PAM: variants seen among roughly 807,000 people sequenced by gnomAD.
PAM encodes peptidylglycine alpha-amidating monooxygenase, also known as peptidyl-glycine alpha-amidating monooxygenase.
A neutral mutation model predicts 122.1 loss-of-function variants in PAM; 72 were observed. The observed-to-expected ratio is 0.59, with a 90% confidence interval of 0.49 to 0.72. PAM has a LOEUF of 0.72. Ranked by LOEUF, PAM falls within the 30% of genes least tolerant of loss-of-function variation. The pLI, the probability that PAM is intolerant of heterozygous loss-of-function variation, is 0.00. For missense variants in PAM, 1,106 were observed against 1,183.7 expected (o/e 0.93, Z 0.96); for synonymous variants, 389 against 404.4 (o/e 0.96, Z 0.46).
intron 1 of PAM, among the ~76,000 whole-genome samples, chr5:102,827,454 C>T (rs1168280944): frequency 6.6e-6 from 1 of 151,934 alleles, no homozygotes; most frequent in Non-Finnish European, 1.5e-5. Context: ...TTTTATACAC[C>T]TTCCTGATAC....
intron 3 of PAM, among the ~76,000 whole-genome samples, chr5:102,869,091 C>T (rs1581141279): frequency 6.6e-6 from 1 of 152,292 alleles, no homozygotes; most frequent in African/African-American, 2.4e-5. Context: ...TAGCTGGTTG[C>T]CTCCTTGCTC....
At chr5:102,848,749 T>A (rs1444933446) in intron 1 of PAM, among the ~76,000 whole-genome samples, 3 of 151,902 alleles carry the variant, frequency 2.0e-5, no homozygotes, top group South Asian at 4.2e-4. Context: ...CAAAGAAGGA[T>A]AAAAACAAAG....
At chr5:102,932,584 A>C (rs1434470742) in intron 7 of PAM, among the ~76,000 whole-genome samples, 2 of 148,622 alleles carry the variant, frequency 1.3e-5, no homozygotes, top group African/African-American at 4.9e-5. Context: ...TATACATATA[A>C]TTGTATATAT....
chr5:103,014,590 C>T (rs1212266667), intron 21 of PAM, among the ~76,000 whole-genome samples: 1 of 152,160 alleles, frequency 6.6e-6, no homozygotes, highest in Non-Finnish European at 1.5e-5. Context: ...AAAGAGATTC[C>T]TCTTCACGAT....
intron 1 of PAM, among the ~76,000 whole-genome samples, chr5:102,772,242 T>C (rs1402763481): frequency 6.6e-6 from 1 of 152,190 alleles, no homozygotes; most frequent in African/African-American, 2.4e-5. Context: ...ATCATTATTA[T>C]TGTATGTTGT....
At chr5:102,914,625 C>A (rs1463190384) in intron 5 of PAM, among the ~76,000 whole-genome samples, 2 of 152,054 alleles carry the variant, frequency 1.3e-5, no homozygotes, top group African/African-American at 4.8e-5. Context: ...GTGATGTAGG[C>A]TTGCCATTTC....
intron 14 of PAM, among the ~76,000 whole-genome samples, chr5:102,969,096 G>A (rs1765007585): frequency 6.6e-6 from 1 of 152,068 alleles, no homozygotes; most frequent in Non-Finnish European, 1.5e-5. Context: ...CGGGGGGTAG[G>A]GGGCTAGGGG....
At chr5:102,784,925 G>A (rs1335205503) in intron 1 of PAM, among the ~76,000 whole-genome samples, 3 of 152,144 alleles carry the variant, frequency 2.0e-5, no homozygotes, top group Non-Finnish European at 4.4e-5. Context: ...AAACACCAGT[G>A]ATTCTCCATA....
At chr5:102,838,731 G>A (rs1777749050) in intron 1 of PAM, 1 of 152,154 alleles carries the variant, frequency 6.6e-6, no homozygotes, top group African/African-American at 2.4e-5. Context: ...GGAGAAGGCA[G>A]AGTTAGTTTC....
chr5:102,908,703 A>C (rs936040371), intron 4 of PAM, among the ~76,000 whole-genome samples: 11 of 151,454 alleles, frequency 7.3e-5, no homozygotes, highest in Admixed American at 5.9e-4. Context: ...TGTACCCTAA[A>C]ACTTAAAGTA....
rs768575861 is a variant in PAM at position 102,926,619 on chromosome 5, T to C, written c.477T>C (p.Ser159=). 10 of 1,602,350 alleles carry C rather than the reference T, an allele frequency of 6.2e-6. No homozygotes were observed. Among genetic ancestry groups the C allele is most frequent in the Non-Finnish European group, 7.7e-6 (9 of 1,169,470 alleles). ...TCAGAGTTGGAGGAGAGACTGGAAG[T>C]AAATACTTTGTACTACAGGTACACT... ...VGFRVGGETG[S]KYFVLQVHYG... The change falls in exon 7 of 26, where the codon AGT becomes AGC. Residue 159 remains serine (S), a synonymous_variant. Coordinates refer to ENST00000438793, the MANE Select transcript of PAM (RefSeq NM_001177306.2).
chr5:102,949,386 C>A, intron 9 of PAM, 151 bp from the exon 10 acceptor site: 1 of 624,052 alleles, frequency 1.6e-6, no homozygotes. Context: ...AAGTGGCTGG[C>A]ACAGAATAAG....
chr5:102,953,786 G>T (rs1759783911), intron 12 of PAM, among the ~76,000 whole-genome samples: 1 of 152,178 alleles, frequency 6.6e-6, no homozygotes, highest in Non-Finnish European at 1.5e-5. Context: ...GGCCAAGGCG[G>T]GCAGATTGCC....
intron 7 of PAM, among the ~76,000 whole-genome samples, chr5:102,933,332 T>C (rs1485093654): frequency 1.3e-5 from 2 of 152,342 alleles, no homozygotes; most frequent in Admixed American, 1.3e-4. Context: ...AGGGAAACTT[T>C]TTAAATAAAA....
Position 102,926,670 on chromosome 5 carries a change from T to G in PAM, c.526+2T>G. ...ATGGGGATATTAGTGCTTTTAGAGG[T>G]AAGTTTTGAAGTGTTGGAACTAAGC... On this transcript the variant is annotated splice_donor_variant, in intron 7 of 25. Transcript: ENST00000438793. LOFTEE classifies it high-confidence loss of function. 6.5e-7 allele frequency: 1 copy of G among 1,536,854 alleles called. No homozygotes were observed. The highest frequency in any genetic ancestry group is 9.0e-7 in the Non-Finnish European group (1 of 1,110,198).
At chr5:102,779,450 T>C (rs946283180) in intron 1 of PAM, among the ~76,000 whole-genome samples, 3 of 152,098 alleles carry the variant, frequency 2.0e-5, no homozygotes, top group Non-Finnish European at 4.4e-5. Context: ...TTGATGTCTT[T>C]GTTATATTGA....
At chr5:103,019,700 TCTA>T (rs1053906034) in intron 22 of PAM, 87 bp from the exon 23 acceptor site, 268 of 833,076 alleles carry the variant, frequency 3.2e-4, no homozygotes, top group Middle Eastern at 4.5e-4. Flanking sequence ...GGAAATATTT[TCTA>T]CTGAGTAAAA....
At chr5:102,987,550 A>G in intron 15 of PAM, 1 of 456,082 alleles carries the variant, frequency 2.2e-6, no homozygotes, top group Non-Finnish European at 4.4e-6. Flanking sequence ...TTTCCAGTGC[A>G]AAGAAATGAT....
chr5:102,817,048 C>T (rs920773402), intron 1 of PAM, among the ~76,000 whole-genome samples: 4 of 152,048 alleles, frequency 2.6e-5, no homozygotes, highest in Non-Finnish European at 5.9e-5. Context: ...TGTCCAGGCT[C>T]CTATGGGGAT....
Sources: allele counts gnomAD v4.1 joint callset (sites outside exome capture counted in the v4.1 genomes callset), GRCh38; gene constraint gnomAD v4.1.1; transcripts MANE v1.5; gene names NCBI Gene and HGNC (gene_info 2026-07-23, HGNC 2026-07-21).